Variants in DNAH9 observed in about 807,000 individuals in gnomAD.
The protein encoded by DNAH9 is DNAH9 variant protein.
In DNAH9, 345 loss-of-function variants were observed where a neutral mutation model predicts 471.6. The observed-to-expected ratio is 0.73, with a 90% confidence interval of 0.67 to 0.80. The LOEUF (loss-of-function observed/expected upper bound fraction) is 0.80, where lower values mean the gene tolerates loss of function less well. DNAH9 is among the 30% of genes least tolerant of loss of function. DNAH9 has a pLI of 0.00. For missense variants in DNAH9, 5,407 were observed against 5,609.2 expected (o/e 0.96, Z 1.15); for synonymous variants, 2,093 against 2,123.6 (o/e 0.99, Z 0.40).
chr17:11,693,618 A>G (rs1245374275), intron 20 of DNAH9, among the ~76,000 whole-genome samples: 1 of 152,188 alleles, frequency 6.6e-6, no homozygotes, highest in African/African-American at 2.4e-5. Flanking sequence ...CCTCTGGTAC[A>G]GAAAATATTG....
chr17:11,719,147 G>A (rs1430292694), intron 26 of DNAH9, among the ~76,000 whole-genome samples, 187 bp from the exon 27 acceptor site: 1 of 152,064 alleles, frequency 6.6e-6, no homozygotes, highest in East Asian at 1.9e-4. Flanking sequence ...GCCCTGCATG[G>A]AGGGAGCACT....
In DNAH9 at chr17:11,701,220, G is replaced by A. The variant is rs748083253; in HGVS notation, c.5124G>A (p.Glu1708=). The A allele has an allele frequency of 6.2e-7, 1 of 1,613,862 alleles. No individual in the cohort carries two copies. The highest frequency in any genetic ancestry group is 8.5e-7 in the Non-Finnish European group (1 of 1,179,978). Residue 1708 remains glutamate, a synonymous_variant, in exon 24 of 69, where the codon GAG becomes GAA. Coordinates refer to ENST00000262442, the MANE Select transcript of DNAH9 (RefSeq NM_001372.4). ...GVTAYEEKPR[E]QWLFDHPAQV... is the part of the protein sequence containing the mutation. ...CTGCCTATGAAGAAAAGCCGAGGGA[G>A]CAGTGGCTTTTTGACCACCCAGCTC...
intron 44 of DNAH9, among the ~76,000 whole-genome samples, chr17:11,809,267 G>C (rs1270055490): frequency 6.6e-6 from 1 of 151,990 alleles, no homozygotes; most frequent in African/African-American, 2.4e-5. Flanking sequence ...GCTGGAGCTA[G>C]TCATAAGAAC....
At chr17:11,773,775 T>C (rs1211469762) in intron 38 of DNAH9, among the ~76,000 whole-genome samples, 1 of 152,210 alleles carries the variant, frequency 6.6e-6, no homozygotes, top group Non-Finnish European at 1.5e-5. Flanking sequence ...AGTGTAGCAC[T>C]ATCCAGATTT....
At chr17:11,634,829 G>A (rs1057218524) in intron 8 of DNAH9, among the ~76,000 whole-genome samples, 1 of 152,160 alleles carries the variant, frequency 6.6e-6, no homozygotes, top group Non-Finnish European at 1.5e-5. Context: ...TGGCCTGGAT[G>A]CCTCAGACTT....
chr17:11,844,844 A>G (rs1401407964), intron 49 of DNAH9, among the ~76,000 whole-genome samples: 1 of 152,170 alleles, frequency 6.6e-6, no homozygotes, highest in African/African-American at 2.4e-5. Context: ...CCTAGGACCC[A>G]ATACTGGCGT....
chr17:11,757,446 C>A, intron 34 of DNAH9, 99 bp from the exon 35 acceptor site: 2 of 1,160,568 alleles, frequency 1.7e-6, no homozygotes, highest in Non-Finnish European at 2.5e-6. Context: ...TCAGTCCAGT[C>A]TTCTGTACAT....
At chr17:11,637,623 T>G (rs181211722) in intron 9 of DNAH9, among the ~76,000 whole-genome samples, 1 of 152,026 alleles carries the variant, frequency 6.6e-6, no homozygotes, top group Non-Finnish European at 1.5e-5. Flanking sequence ...AAGAAAGAAA[T>G]AAAATACATT....
intron 53 of DNAH9, among the ~76,000 whole-genome samples, 184 bp from the exon 54 acceptor site, chr17:11,879,894 A>T (rs769260842): frequency 2.0e-5 from 3 of 152,194 alleles, no homozygotes; most frequent in Non-Finnish European, 4.4e-5. Flanking sequence ...TATTTCTAAA[A>T]GTGTATAGAA....
In DNAH9 at chr17:11,781,849, A is replaced by C. The variant is rs201199825; in HGVS notation, c.7718+675A>C. ...TCCATCTTAAAAAAAAAAAACAAAC[A>C]AAAAAAAAACTACCAAACACCCGGT... On this transcript the variant is annotated intron_variant, in intron 39 of 68. Coordinates refer to ENST00000262442, the MANE Select transcript of DNAH9 (RefSeq NM_001372.4). 5.6e-4 allele frequency among the ~76,000 whole-genome samples: 79 copies of C among 142,260 alleles called. 1 individual carries two copies. The East Asian group carries it at 5.8e-3, about 10-fold the overall frequency. 93.3% of individuals were successfully genotyped at this position (142,260 alleles called of 152,430 possible).
chr17:11,653,147 A>G, intron 14 of DNAH9, 145 bp downstream of exon 14: 1 of 850,022 alleles, frequency 1.2e-6, no homozygotes, highest in Non-Finnish European at 1.8e-6. Context: ...ATAGCAAAAG[A>G]CTAAAGCTGA....
Position 11,598,921 on chromosome 17 carries a change from G to A in DNAH9, c.417+6G>A. On this transcript the variant is annotated splice_donor_region_variant and intron_variant, in intron 1 of 68. Coordinates refer to ENST00000262442, the MANE Select transcript of DNAH9 (RefSeq NM_001372.4). The stretch of plus-strand genomic sequence containing the variant: ...TAGCCGCGCTGTTCTCGGAGGTGAG[G>A]GTGGGTTAGTGTCCCCGCGCGGCTA... 1.3e-6 allele frequency: 2 copies of A among 1,512,702 alleles called. No homozygotes were observed. The highest frequency in any genetic ancestry group is 1.8e-6 in the Non-Finnish European group (2 of 1,135,312). 93.7% of individuals were successfully genotyped at this position (1,512,702 alleles called of 1,614,324 possible). A position where few individuals can be genotyped will look rare whatever the true frequency, so the allele number is the denominator to read the frequency against.
chr17:11,760,858 G>A (rs1967636600), intron 35 of DNAH9, among the ~76,000 whole-genome samples: 1 of 152,212 alleles, frequency 6.6e-6, no homozygotes, highest in Non-Finnish European at 1.5e-5. Context: ...GGATGGGGGA[G>A]CTGCAGCTCC....
chr17:11,798,364 C>T (rs1969327035), intron 43 of DNAH9, among the ~76,000 whole-genome samples: 1 of 144,958 alleles, frequency 6.9e-6, no homozygotes, highest in Non-Finnish European at 1.5e-5. Context: ...ACCTGGGAGG[C>T]CCAGGTTGCA....
At chr17:11,917,478 G>A (rs1181100611) in intron 61 of DNAH9, among the ~76,000 whole-genome samples, 1 of 151,986 alleles carries the variant, frequency 6.6e-6, no homozygotes, top group Non-Finnish European at 1.5e-5. Flanking sequence ...TAACACGAAA[G>A]CTACCACCAT....
Position 11,871,602 on chromosome 17 carries a change from G to A in DNAH9, c.10058G>A (p.Gly3353Glu). The A allele has an allele frequency of 6.2e-7, 1 of 1,613,608 alleles. No homozygotes were observed. The highest frequency in any genetic ancestry group is 8.5e-7 in the Non-Finnish European group (1 of 1,179,494). ...VTISLANRLV[G>E]GLASENVRWA... ...CTCTGGCTTTTGAAATGGTAGGTTG[G>A]AGGACTCGCTTCTGAAAACGTGAGG... Residue 3353 changes from glycine to glutamate, a missense_variant, in exon 52 of 69, where the codon GGA becomes GAA. Gly to Glu is a moderately conservative substitution (Grantham distance 98). This residue lies in a region of DNAH9 where 4,636 missense variants were observed against 4,900.3 expected (regional missense o/e 0.95). Coordinates refer to ENST00000262442, the MANE Select transcript of DNAH9 (RefSeq NM_001372.4).
Position 11,629,503 on chromosome 17 carries a change from C to T in DNAH9, c.1437C>T (p.Val479=). 6.2e-7 allele frequency: 1 copy of T among 1,614,040 alleles called. No homozygotes were observed. The highest frequency in any genetic ancestry group is 8.5e-7 in the Non-Finnish European group (1 of 1,179,962). The change falls in exon 7 of 69, where the codon GTC becomes GTT. Residue 479 remains valine (V), a synonymous_variant. Coordinates refer to ENST00000262442, the MANE Select transcript of DNAH9 (RefSeq NM_001372.4). ...GAGGGAATGCTCTGAGTCAGCAGGT[C>T]CAGCAAATGCATGAAGAATTTCAAG... ...GVRGNALSQQ[V]QQMHEEFQEM...
chr17:11,883,219 G>A (rs1972784080), intron 55 of DNAH9: 1 of 1,003,642 alleles, frequency 1.0e-6, no homozygotes, highest in Non-Finnish European at 1.2e-6. Context: ...GTAATAGAGA[G>A]AACTCTCCAG....
intron 62 of DNAH9, among the ~76,000 whole-genome samples, chr17:11,924,679 A>G (rs1182445931): frequency 2.3e-5 from 3 of 129,932 alleles, no homozygotes; most frequent in South Asian, 4.8e-4. Context: ...GCTGGAGTGC[A>G]ATGGCGCAAT....
Sources: gnomAD v4.1 joint callset for allele counts (sites outside exome capture counted in the v4.1 genomes callset) on GRCh38, gnomAD v4.1.1 for gene constraint, gnomAD v4.1.1 regional missense constraint, MANE v1.5 for transcripts, NCBI Gene and HGNC (gene_info 2026-07-23, HGNC 2026-07-21) for gene names.